Variants in NLRP11 observed in about 807,000 individuals in gnomAD.
The protein encoded by NLRP11 is NLR family pyrin domain containing 11.
Under a neutral mutation model 79.3 loss-of-function variants are expected in NLRP11, and 53 were observed. That is an observed-to-expected ratio of 0.67 (90% CI 0.54 to 0.84). NLRP11 has a LOEUF of 0.84. Ranked by LOEUF, NLRP11 falls within the 40% of genes least tolerant of loss-of-function variation. NLRP11 has a pLI of 0.00. For synonymous variants in NLRP11, 518 were observed against 462.6 expected, an observed-to-expected ratio of 1.12 and a Z score of -1.54; for missense variants, 1,264 against 1,255.0, an observed-to-expected ratio of 1.01 and a Z score of -0.11.
chr19:55,788,928 CAGAGGCA>C lies in NLRP11; in HGVS notation c.2727_2733del (p.Ala910PhefsTer8). On this transcript the variant is annotated frameshift_variant, in exon 9 of 10. Coordinates refer to ENST00000589093, the Ensembl canonical transcript of NLRP11. LOFTEE classifies it high-confidence loss of function. ...TCTAGTGTTTTGTTGGTGGTAAGAA[CAGAGGCA>C]AGAGATCGACAGCAGGCACTGGTTA... The C allele has an allele frequency of 6.2e-7, 1 of 1,613,866 alleles. No individual in the cohort carries two copies. The highest frequency in any genetic ancestry group is 8.5e-7 in the Non-Finnish European group (1 of 1,179,992).
At chr19:55,792,137 G>C (rs1330932846) in intron 7 of NLRP11, among the ~76,000 whole-genome samples, 164 bp downstream of exon 7, 1 of 152,180 alleles carries the variant, frequency 6.6e-6, no homozygotes, top group African/African-American at 2.4e-5. Context: ...TTTTGCCAAT[G>C]AATCTTACCG....
intron 1 of NLRP11, among the ~76,000 whole-genome samples, chr19:55,823,334 G>A (rs1404563185): frequency 7.4e-6 from 1 of 135,120 alleles, no homozygotes. Flanking sequence ...AGAAAAACTG[G>A]AAACTCTAAA....
chr19:55,811,997 ACG>A (rs1491154725), intron 2 of NLRP11, among the ~76,000 whole-genome samples: 1 of 148,634 alleles, frequency 6.7e-6, no homozygotes, highest in Admixed American at 6.7e-5. Flanking sequence ...ACACACACAC[ACG>A]TAAGAGAATA....
intron 2 of NLRP11, among the ~76,000 whole-genome samples, chr19:55,811,017 C>T (rs569535739): frequency 5.9e-5 from 9 of 152,114 alleles, no homozygotes; most frequent in Non-Finnish European, 1.2e-4. Flanking sequence ...GGCAATAACT[C>T]GAGTTCAGGG....
chr19:55,817,945 C>T lies in NLRP11; in HGVS notation c.230G>A (p.Arg77His), dbSNP rs756060414. 44 of 1,613,098 alleles carry T rather than the reference C, an allele frequency of 2.7e-5. No homozygotes were observed. The highest frequency in any genetic ancestry group is 6.7e-5 in the African/African-American group (5 of 74,880). Residue 77 changes from arginine to histidine, a missense_variant, in exon 2 of 10, where the codon CGT (arginine) becomes CAT (histidine). Arg to His is a conservative substitution (Grantham distance 29). Coordinates refer to ENST00000589093, the Ensembl canonical transcript of NLRP11. Reference sequence around the variant, plus strand: ...GATCTTCCTACAAAGATCTTCCTTACGCATCATTGAAAATATGCTGAAGAG... The same window carrying T: ...GATCTTCCTACAAAGATCTTCCTTATGCATCATTGAAAATATGCTGAAGAG...
intron 9 of NLRP11, among the ~76,000 whole-genome samples, chr19:55,786,663 G>A (rs985357169): frequency 6.6e-6 from 1 of 152,160 alleles, no homozygotes; most frequent in African/African-American, 2.4e-5. Context: ...CAATTAGCAT[G>A]TAGGCACAAA....
chr19:55,792,454 A>G, exon 7 of NLRP11: 1 of 1,614,008 alleles, frequency 6.2e-7, no homozygotes, highest in South Asian at 1.1e-5. Context: ...ATTTTCAGTG[A>G]GACAGCAGAA....
upstream of NLRP11, chr19:55,836,393 C>T (rs1390059124): frequency 3.3e-5 from 5 of 152,148 alleles, no homozygotes; most frequent in African/African-American, 1.2e-4. Flanking sequence ...TCTAGAACAG[C>T]CCCTCAAGGG....
chr19:55,830,263 CT>C (rs1288918795), intron 1 of NLRP11, among the ~76,000 whole-genome samples: 1 of 152,170 alleles, frequency 6.6e-6, no homozygotes, highest in Non-Finnish European at 1.5e-5. Flanking sequence ...CTCTTCCCTC[CT>C]TTGACTTCTA....
At chr19:55,830,079 C>G (rs946324624) in intron 1 of NLRP11, among the ~76,000 whole-genome samples, 4 of 152,176 alleles carry the variant, frequency 2.6e-5, no homozygotes. Flanking sequence ...TATAAGTGGA[C>G]ACATGCAGCT....
intron 4 of NLRP11, among the ~76,000 whole-genome samples, chr19:55,804,108 A>ATG (rs57756541): frequency 3.7e-4 from 56 of 151,976 alleles, no homozygotes; most frequent in African/African-American, 8.9e-4. Flanking sequence ...ATATATATAT[A>ATG]TGTGTGTGTG....
At chr19:55,810,489 A>G in intron 2 of NLRP11, 151 bp from the exon 3 acceptor site, 1 of 691,390 alleles carries the variant, frequency 1.4e-6, no homozygotes, top group Non-Finnish European at 2.4e-6. Flanking sequence ...GTACAAAGAT[A>G]TTTACCATCA....
At chr19:55,821,977 A>G (rs534282601) in intron 1 of NLRP11, among the ~76,000 whole-genome samples, 1 of 152,282 alleles carries the variant, frequency 6.6e-6, no homozygotes, top group South Asian at 2.1e-4. Flanking sequence ...TGCCTTAGTC[A>G]GCTGGGCACA....
chr19:55,804,932 G>A (rs914173849), intron 4 of NLRP11, among the ~76,000 whole-genome samples: 9 of 151,974 alleles, frequency 5.9e-5, no homozygotes, highest in African/African-American at 1.5e-4. Context: ...GCGTGGTGGC[G>A]TGCACCTCTA....
At chr19:55,828,445 A>G (rs1173423317) in intron 1 of NLRP11, among the ~76,000 whole-genome samples, 1 of 152,218 alleles carries the variant, frequency 6.6e-6, no homozygotes, top group Non-Finnish European at 1.5e-5. Context: ...ATCAGACTGC[A>G]AAGTTAGTAA....
chr19:55,802,477 AAGG>A lies in NLRP11; in HGVS notation c.2004-741_2004-739del, dbSNP rs796096043. On this transcript the variant is annotated intron_variant, in intron 4 of 9. Coordinates refer to ENST00000589093, the Ensembl canonical transcript of NLRP11. ...GCTAACCAGAGAGGTGAAAGATCAA[AAGG>A]AGAATTACAAAACACTGCTCAAAGA... is the stretch of plus-strand genomic sequence containing the variant. Among the ~76,000 whole-genome samples the A allele has an allele frequency of 5.6e-4, 86 of 152,358 alleles. 2 individuals carry two copies. Among genetic ancestry groups the A allele is most frequent in the African/African-American group, 2.0e-3 (84 of 41,596 alleles).
At position 55,809,690 on chromosome 19, in the gene NLRP11, A is replaced by G; in HGVS notation, c.920T>C (p.Ile307Thr). 6.2e-7 allele frequency: 1 copy of G among 1,614,100 alleles called. No homozygotes were observed. Among genetic ancestry groups the G allele is most frequent in the Non-Finnish European group, 8.5e-7 (1 of 1,179,978 alleles). ...GTCTTTAAAGAAAGAGTTAAAATATATCTCCCTCTTCCCATTCGACAGCTG... is the reference window on the plus strand; with the variant it reads ...GTCTTTAAAGAAAGAGTTAAAATATGTCTCCCTCTTCCCATTCGACAGCTG... The change falls in exon 3 of 10, where the codon ATA becomes ACA. Residue 307 changes from isoleucine (I) to threonine (T), a missense_variant. Transcript: ENST00000589093. This position sits in a 1 kb window ranked among gnomAD's most constrained non-coding sequence, Gnocchi z 4.5.
exon 2 of NLRP11, chr19:55,818,065 A>C: frequency 1.2e-6 from 2 of 1,614,188 alleles, no homozygotes; most frequent in Non-Finnish European, 8.5e-7. Flanking sequence ...TGGCAGTTTG[A>C]AATCAAGAAT....
intron 9 of NLRP11, among the ~76,000 whole-genome samples, chr19:55,788,245 G>T (rs894513585): frequency 6.6e-6 from 1 of 152,166 alleles, no homozygotes; most frequent in South Asian, 2.1e-4. Flanking sequence ...GAAAATATTC[G>T]TAGAACCCTT....
Sources: gnomAD v4.1 joint callset for allele counts (sites outside exome capture counted in the v4.1 genomes callset) on GRCh38, gnomAD v4.1.1 for gene constraint, Gnocchi (gnomAD v3.1) non-coding constraint, MANE v1.5 for transcripts, NCBI Gene and HGNC (gene_info 2026-07-23, HGNC 2026-07-21) for gene names.